The following CTNNA2 variants were observed in gnomAD, a reference collection of about 807,000 sequenced individuals.
The protein encoded by CTNNA2 is catenin alpha-2.
A neutral mutation model predicts 101.0 loss-of-function variants in CTNNA2; 42 were observed. The ratio of observed to expected loss-of-function variants is 0.42; its 90% CI spans 0.32 to 0.54. CTNNA2 has a LOEUF of 0.54. Ranked by LOEUF, CTNNA2 falls within the 20% of genes least tolerant of loss-of-function variation. CTNNA2 has a pLI of 0.14. For missense variants in CTNNA2, 871 were observed against 1,223.1 expected (o/e 0.71, Z 4.29); for synonymous variants, 450 against 456.4 (o/e 0.99, Z 0.18).
rs1206386856 is a variant in CTNNA2, at chr2:79,645,774, T to C, written c.-5-5778T>C. On this transcript the variant is annotated intron_variant, in intron 1 of 18. Coordinates refer to ENST00000402739, the MANE Select transcript of CTNNA2 (RefSeq NM_001282597.3). Reference sequence around the variant, plus strand: ...CAGAACAAATCTTTTAATAATATAATGTTATCACCATCCTTGTTTTACAAA... The same window carrying C: ...CAGAACAAATCTTTTAATAATATAACGTTATCACCATCCTTGTTTTACAAA... Among the ~76,000 whole-genome samples, 5 of 152,350 alleles carry C rather than the reference T, an allele frequency of 3.3e-5. No individual in the cohort carries two copies. The South Asian group carries it at 8.3e-4, about 25-fold the overall frequency.
chr2:80,047,025 C>A (rs1034298439), intron 7 of CTNNA2, among the ~76,000 whole-genome samples: 3 of 152,134 alleles, frequency 2.0e-5, no homozygotes, highest in Non-Finnish European at 4.4e-5. Context: ...CTGCTACCCC[C>A]AGTTGCGATA....
rs556607142 is a variant in CTNNA2, at chr2:79,326,531, G to T, written c.-318+13735G>T. Among the ~76,000 whole-genome samples the T allele has an allele frequency of 6.6e-5, 10 of 152,092 alleles. No individual in the cohort carries two copies. In the South Asian group the frequency reaches 2.1e-3, roughly 32 times the overall value. On this transcript the variant is annotated intron_variant, in intron 3 of 21. Coordinates refer to the CTNNA2 transcript ENST00000466387. The stretch of plus-strand genomic sequence containing the variant: ...AAAGTTACAAAGGAATATTTCAGGA[G>T]CCCCTTAAATACTTGTCTTTCTTGG...
intron 14 of CTNNA2, among the ~76,000 whole-genome samples, chr2:80,586,035 C>G (rs1267664090): frequency 6.6e-6 from 1 of 152,072 alleles, no homozygotes; most frequent in African/African-American, 2.4e-5. Flanking sequence ...AGAATTGTGT[C>G]CTTAGAATGT....
intron 2 of CTNNA2, among the ~76,000 whole-genome samples, chr2:79,720,932 G>A (rs1440111433): frequency 6.6e-6 from 1 of 151,984 alleles, no homozygotes; most frequent in Non-Finnish European, 1.5e-5. Flanking sequence ...GCTTAGGGAA[G>A]GAAAGGCCAA....
chr2:79,552,370 G>A (rs1300027461), intron 1 of CTNNA2, among the ~76,000 whole-genome samples: 1 of 152,118 alleles, frequency 6.6e-6, no homozygotes, highest in Non-Finnish European at 1.5e-5. Flanking sequence ...CCCCTTGGCT[G>A]CTTCCACCGG....
At chr2:80,175,637 A>C (rs530354588) in intron 7 of CTNNA2, among the ~76,000 whole-genome samples, 3 of 152,240 alleles carry the variant, frequency 2.0e-5, no homozygotes, top group African/African-American at 7.2e-5. Flanking sequence ...TAATCGGATA[A>C]ATGTATATAT....
chr2:79,233,425 A>G (rs1674520012), intron 2 of CTNNA2, among the ~76,000 whole-genome samples: 1 of 152,206 alleles, frequency 6.6e-6, no homozygotes, highest in Non-Finnish European at 1.5e-5. Context: ...CACACTTGGT[A>G]TGCATTCAAC....
intron 3 of CTNNA2, among the ~76,000 whole-genome samples, chr2:79,333,921 G>A (rs1676933128): frequency 6.6e-6 from 1 of 151,964 alleles, no homozygotes; most frequent in Non-Finnish European, 1.5e-5. Flanking sequence ...CATTCGTATG[G>A]TGTGGTTTTG....
chr2:79,858,926 T>C (rs941398607), intron 4 of CTNNA2, among the ~76,000 whole-genome samples: 3 of 151,864 alleles, frequency 2.0e-5, no homozygotes, highest in Non-Finnish European at 4.4e-5. Flanking sequence ...AGTCCTTGAC[T>C]ACGGGTCGTT....
intron 2 of CTNNA2, among the ~76,000 whole-genome samples, chr2:79,221,344 A>G (rs4432482): frequency 0.73 from 110,440 of 151,946 alleles, 40,473 homozygotes; most frequent in East Asian, 0.92. Context: ...GCAGAGATGG[A>G]GCCTTGCTAT....
At chr2:79,440,290 C>T (rs914008923) in intron 4 of CTNNA2, among the ~76,000 whole-genome samples, 4 of 151,724 alleles carry the variant, frequency 2.6e-5, no homozygotes, top group East Asian at 1.9e-4. Flanking sequence ...ATGGCAGTAA[C>T]GTAGAAAGGA....
At chr2:79,350,571 G>A (rs1210302545) in intron 3 of CTNNA2, among the ~76,000 whole-genome samples, 3 of 152,040 alleles carry the variant, frequency 2.0e-5, no homozygotes, top group African/African-American at 7.2e-5. Context: ...TGACTTTGAT[G>A]TTGTGAATAG....
intron 7 of CTNNA2, among the ~76,000 whole-genome samples, chr2:79,926,071 A>G (rs1315386704): frequency 1.3e-5 from 2 of 152,140 alleles, no homozygotes; most frequent in African/African-American, 4.8e-5. Flanking sequence ...TGAGCTTCTT[A>G]TCACTGTTTG....
chr2:80,429,534 TAC>T (rs1681297319), intron 9 of CTNNA2, among the ~76,000 whole-genome samples: 1 of 152,200 alleles, frequency 6.6e-6, no homozygotes, highest in Non-Finnish European at 1.5e-5. Context: ...AATTATTTAG[TAC>T]AGTTTCTGTC....
intron 3 of CTNNA2, among the ~76,000 whole-genome samples, chr2:79,841,215 A>G (rs1310458914): frequency 6.6e-6 from 1 of 152,224 alleles, no homozygotes; most frequent in East Asian, 1.9e-4. Flanking sequence ...AGAGTCAAAC[A>G]AGAAAACAGT....
intron 4 of CTNNA2, among the ~76,000 whole-genome samples, chr2:79,444,127 C>T (rs1312398814): frequency 6.6e-6 from 1 of 151,978 alleles, no homozygotes; most frequent in Non-Finnish European, 1.5e-5. Flanking sequence ...TAACCCTAGC[C>T]AAAATCTTGT....
chr2:79,959,336 A>C (rs961427252), intron 7 of CTNNA2, among the ~76,000 whole-genome samples: 1 of 152,232 alleles, frequency 6.6e-6, no homozygotes, highest in Non-Finnish European at 1.5e-5. Context: ...ATATCAGAGT[A>C]GTCTAGTGAG....
At chr2:80,382,197 A>G (rs1374184672) in intron 7 of CTNNA2, among the ~76,000 whole-genome samples, 1 of 152,198 alleles carries the variant, frequency 6.6e-6, no homozygotes, top group Non-Finnish European at 1.5e-5. Flanking sequence ...CTAGAATACT[A>G]TTTCATTCAT....
chr2:79,715,740 A>G (rs1231574517), intron 2 of CTNNA2, among the ~76,000 whole-genome samples: 2 of 152,152 alleles, frequency 1.3e-5, no homozygotes, highest in African/African-American at 2.4e-5. Context: ...AAAGAAATAT[A>G]TGTATAAATA....
Sources: allele counts gnomAD v4.1 joint callset (sites outside exome capture counted in the v4.1 genomes callset), GRCh38; gene constraint gnomAD v4.1.1; transcripts MANE v1.5; gene names NCBI Gene and HGNC (gene_info 2026-07-23, HGNC 2026-07-21).